The following KHDRBS2 variants were observed in gnomAD, a reference collection of about 807,000 sequenced individuals.
The protein encoded by KHDRBS2 is KH domain-containing, RNA-binding, signal transduction-associated protein 2.
KHDRBS2 carries 26 observed loss-of-function variants against 44.3 expected under a neutral mutation model. The ratio of observed to expected loss-of-function variants is 0.59; its 90% confidence interval spans 0.43 to 0.81. The LOEUF is 0.81. Ranked by LOEUF, KHDRBS2 falls within the 40% of genes least tolerant of loss-of-function variation. The probability of loss-of-function intolerance (pLI) is 0.00; values close to 1 mark genes in which losing one functional copy is unlikely to be tolerated. For synonymous variants in KHDRBS2, 194 were observed against 151.1 expected (o/e 1.28, Z -2.08); for missense variants, 476 against 433.1 (o/e 1.10, Z -0.88).
At chr6:61,568,578 A>C in the KHDRBS2 span, among the ~76,000 whole-genome samples, 1 of 152,082 alleles carries the variant, frequency 6.6e-6, no homozygotes, top group Non-Finnish European at 1.5e-5. Context: ...CAGGTGAAAA[A>C]CTGTGACTTC....
chr6:61,954,713 C>A lies in KHDRBS2; in HGVS notation c.483+23353G>T, dbSNP rs370923375. Among the ~76,000 whole-genome samples, 2 of 116,664 alleles carry A rather than the reference C, an allele frequency of 1.7e-5. 1 individual carries two copies. Among genetic ancestry groups the A allele is most frequent in the Non-Finnish European group, 3.9e-5 (2 of 51,764 alleles). The allele number at this position is 116,664 out of a possible 152,430, so 76.5% of individuals were successfully genotyped here. A position where few individuals can be genotyped will look rare whatever the true frequency, so the allele number is the denominator to read the frequency against. On this transcript the variant is annotated intron_variant, in intron 4 of 8. Transcript: ENST00000281156. ...GTATACATACATATGTGTATATACA[C>A]ATGCATACTTATGTATACATACATA...
At chr6:62,018,641 G>A (rs993080355) in intron 3 of KHDRBS2, among the ~76,000 whole-genome samples, 3 of 152,000 alleles carry the variant, frequency 2.0e-5, no homozygotes, top group East Asian at 1.9e-4. Context: ...CACCGCGCCC[G>A]GCCCAATATT....
intron 3 of KHDRBS2, among the ~76,000 whole-genome samples, chr6:62,024,074 G>T (rs1328192033): frequency 1.3e-5 from 2 of 151,174 alleles, no homozygotes; most frequent in East Asian, 3.9e-4. Context: ...TACAATAGGA[G>T]TTAATATATT....
the KHDRBS2 span, among the ~76,000 whole-genome samples, chr6:61,564,951 C>T: frequency 6.6e-6 from 1 of 151,992 alleles, no homozygotes; most frequent in African/African-American, 2.4e-5. Context: ...GACATACAGA[C>T]CAATGAGACA....
intron 1 of KHDRBS2, among the ~76,000 whole-genome samples, chr6:62,181,784 C>G (rs1175471440): frequency 6.6e-6 from 1 of 151,744 alleles, no homozygotes; most frequent in Non-Finnish European, 1.5e-5. Flanking sequence ...AGAATGGAAC[C>G]CTCATGAATG....
chr6:61,815,597 A>G (rs1247117724), intron 6 of KHDRBS2, among the ~76,000 whole-genome samples: 1 of 152,206 alleles, frequency 6.6e-6, no homozygotes, highest in African/African-American at 2.4e-5. Flanking sequence ...GCAATGAACA[A>G]GAGGGAAATA....
intron 3 of KHDRBS2, among the ~76,000 whole-genome samples, chr6:62,025,693 G>T (rs190355682): frequency 4.0e-5 from 6 of 151,836 alleles, no homozygotes; most frequent in Admixed American, 3.3e-4. Context: ...ACTGTGGTTG[G>T]TTTATAAGTT....
chr6:62,040,879 G>C (rs1285046137), intron 3 of KHDRBS2, among the ~76,000 whole-genome samples: 1 of 151,986 alleles, frequency 6.6e-6, no homozygotes, highest in Non-Finnish European at 1.5e-5. Context: ...CAGATTCAAG[G>C]GGAAGAGAAT....
chr6:62,226,458 C>A (rs1383842134), intron 1 of KHDRBS2, among the ~76,000 whole-genome samples: 1 of 152,086 alleles, frequency 6.6e-6, no homozygotes, highest in African/African-American at 2.4e-5. Flanking sequence ...GGGTAGATTG[C>A]AAAATTTTTC....
intron 6 of KHDRBS2, among the ~76,000 whole-genome samples, chr6:61,791,738 G>T (rs1449909249): frequency 1.3e-5 from 2 of 151,340 alleles, no homozygotes; most frequent in Non-Finnish European, 3.0e-5. Flanking sequence ...GTTACCCTCT[G>T]TCTCTAGCAG....
At chr6:61,859,039 C>T (rs1796543429) in intron 6 of KHDRBS2, among the ~76,000 whole-genome samples, 1 of 151,798 alleles carries the variant, frequency 6.6e-6, no homozygotes, top group Non-Finnish European at 1.5e-5. Context: ...AGCTCTTTTA[C>T]ATTGTGTTGG....
chr6:61,776,830 C>T (rs1430911919), intron 6 of KHDRBS2, among the ~76,000 whole-genome samples: 1 of 152,150 alleles, frequency 6.6e-6, no homozygotes, highest in African/African-American at 2.4e-5. Flanking sequence ...TATAAAGTCA[C>T]ATGCACACGT....
At chr6:62,082,105 T>C (rs759002364) in intron 2 of KHDRBS2, among the ~76,000 whole-genome samples, 45 of 151,998 alleles carry the variant, frequency 3.0e-4, no homozygotes, top group Non-Finnish European at 6.0e-4. Flanking sequence ...CTTTAGGAGG[T>C]GACGAATCCA....
the KHDRBS2 span, among the ~76,000 whole-genome samples, chr6:61,552,310 A>G: frequency 6.6e-6 from 1 of 151,944 alleles, no homozygotes; most frequent in Non-Finnish European, 1.5e-5. Flanking sequence ...TTGGCTGCCA[A>G]CTTGGATGCT....
chr6:61,670,278 CA>C, the KHDRBS2 span, among the ~76,000 whole-genome samples: 20 of 151,100 alleles, frequency 1.3e-4, no homozygotes, highest in African/African-American at 4.4e-4. Context: ...TCACTAGAAA[CA>C]AAAAAATCTT....
chr6:61,989,169 T>C (rs1259937316), intron 3 of KHDRBS2, among the ~76,000 whole-genome samples: 1 of 152,198 alleles, frequency 6.6e-6, no homozygotes. Context: ...TTTTGAAATA[T>C]ATATAAACCC....
chr6:61,862,905 T>C (rs1234046003), intron 6 of KHDRBS2, among the ~76,000 whole-genome samples: 1 of 152,056 alleles, frequency 6.6e-6, no homozygotes. Context: ...GTACCAGCTC[T>C]TCTTTGTCCC....
intron 2 of KHDRBS2, among the ~76,000 whole-genome samples, chr6:62,131,158 G>T (rs1810211189): frequency 6.6e-6 from 1 of 152,206 alleles, no homozygotes; most frequent in East Asian, 1.9e-4. Flanking sequence ...AAGTCCCCTA[G>T]TAATCTTATA....
chr6:61,542,863 C>T, the KHDRBS2 span, among the ~76,000 whole-genome samples: 1 of 151,852 alleles, frequency 6.6e-6, no homozygotes, highest in Non-Finnish European at 1.5e-5. Flanking sequence ...GGAGATTTGG[C>T]CCTGCTGGAA....
Sources: allele counts gnomAD v4.1 joint callset (sites outside exome capture counted in the v4.1 genomes callset), GRCh38; gene constraint gnomAD v4.1.1; transcripts MANE v1.5; gene names NCBI Gene and HGNC (gene_info 2026-07-23, HGNC 2026-07-21).